The following RALGPS1 variants were observed in gnomAD, a reference collection of about 807,000 sequenced individuals.
RALGPS1 encodes the protein Ral GEF with PH domain and SH3 binding motif 1.
In RALGPS1, 19 loss-of-function variants were observed where a neutral mutation model predicts 78.8. That is an observed-to-expected ratio of 0.24 (90% CI 0.17 to 0.35). The LOEUF (loss-of-function observed/expected upper bound fraction) is 0.35. RALGPS1 is among the 10% of genes least tolerant of loss of function. The probability of loss-of-function intolerance (pLI) is 1.00; values close to 1 mark genes in which losing one functional copy is unlikely to be tolerated. For missense variants in RALGPS1, 454 were observed against 688.3 expected (o/e 0.66, Z 3.81); for synonymous variants, 228 against 256.3 (o/e 0.89, Z 1.06).
intron 1 of RALGPS1, among the ~76,000 whole-genome samples, chr9:126,953,350 TGTGTGTGCATGTACACGTGCATGC>T (rs1207348409): frequency 6.6e-6 from 1 of 151,872 alleles, no homozygotes. Context: ...AGCCAGAGTA[TGTGTGTGCATGTACACGTGCATGC>T]GTGTGTGTGT....
At chr9:126,999,533 A>T (rs1200262734) in intron 4 of RALGPS1, among the ~76,000 whole-genome samples, 1 of 152,134 alleles carries the variant, frequency 6.6e-6, no homozygotes, top group South Asian at 2.1e-4. Context: ...CACTATCTTC[A>T]TAGTTTTACC....
At chr9:127,006,940 G>C (rs778215197) in intron 4 of RALGPS1, among the ~76,000 whole-genome samples, 18 of 152,034 alleles carry the variant, frequency 1.2e-4, no homozygotes, top group Non-Finnish European at 2.4e-4. Flanking sequence ...GAGAGAGGGA[G>C]AGAGGAGAGA....
chr9:126,999,245 C>T (rs1173785867), intron 4 of RALGPS1, among the ~76,000 whole-genome samples: 1 of 151,990 alleles, frequency 6.6e-6, no homozygotes, highest in Non-Finnish European at 1.5e-5. Flanking sequence ...TATCTCCTGA[C>T]CCCGTACATG....
chr9:127,131,976 CA>C (rs1300322056), intron 8 of RALGPS1, among the ~76,000 whole-genome samples: 1 of 152,154 alleles, frequency 6.6e-6, no homozygotes, highest in Non-Finnish European at 1.5e-5. Context: ...GCATTTCTAA[CA>C]AGTTCACATG....
rs2062349929 is a variant in RALGPS1, at chr9:127,212,793, T to A, written c.1446+74T>A. On this transcript the variant is annotated intron_variant, in intron 16 of 18. Coordinates refer to ENST00000259351, the MANE Select transcript of RALGPS1 (RefSeq NM_014636.3). This position sits in a 1 kb window ranked among gnomAD's most constrained non-coding sequence, Gnocchi z 6.0. ...AGGGACCTCTGTGAACTGTGGAGGA[T>A]GGGGGTGGGAAAGGGATCTGTGTGA... The A allele has an allele frequency of 1.3e-6, 2 of 1,522,922 alleles. No homozygotes were observed. Among genetic ancestry groups the A allele is most frequent in the Admixed American group, 1.8e-5 (1 of 54,652 alleles). The allele number at this position is 1,522,922 out of a possible 1,614,324, so 94.3% of individuals were successfully genotyped here.
intron 3 of RALGPS1, among the ~76,000 whole-genome samples, chr9:126,966,800 A>G (rs3118836): frequency 0.027 from 4,180 of 152,312 alleles, 52 homozygotes; most frequent in Middle Eastern, 0.048. Flanking sequence ...AAAAAAAGAT[A>G]TATCTTCAAC....
At chr9:126,967,587 A>AG (rs2039644594) in intron 3 of RALGPS1, among the ~76,000 whole-genome samples, 1 of 152,202 alleles carries the variant, frequency 6.6e-6, no homozygotes, top group Non-Finnish European at 1.5e-5. Flanking sequence ...CTTAGGCTGA[A>AG]GTGCAGTGGC....
intron 8 of RALGPS1, chr9:127,108,513 G>A (rs2054481035): frequency 3.1e-6 from 5 of 1,612,856 alleles, no homozygotes; most frequent in African/African-American, 1.3e-5. Context: ...CAGGCTCCTT[G>A]GAGTTGACGC....
chr9:126,953,880 G>T (rs936686732), intron 1 of RALGPS1, among the ~76,000 whole-genome samples: 1 of 152,204 alleles, frequency 6.6e-6, no homozygotes, highest in Non-Finnish European at 1.5e-5. Flanking sequence ...CTTATTTGCT[G>T]CTGTGTCCCC....
At position 127,218,683 on chromosome 9, in the gene RALGPS1, C is replaced by T. The variant is rs369942026; in HGVS notation, c.1645-57C>T. 8.3e-6 allele frequency: 13 copies of T among 1,569,590 alleles called. No homozygotes were observed. The highest frequency in any genetic ancestry group is 1.4e-5 in the African/African-American group (1 of 73,892). On this transcript the variant is annotated intron_variant, in intron 18 of 18. Coordinates refer to ENST00000259351, the MANE Select transcript of RALGPS1 (RefSeq NM_014636.3). This position sits in a 1 kb window ranked among gnomAD's most constrained non-coding sequence, Gnocchi z 4.4. The stretch of plus-strand genomic sequence containing the variant: ...CTGTCCCTTCCCCTAGGGACCACCA[C>T]CCCTTGTCCTTCTCTGAGGTCGGAA...
At chr9:126,946,129 A>G (rs775085663) in intron 1 of RALGPS1, among the ~76,000 whole-genome samples, 1 of 152,130 alleles carries the variant, frequency 6.6e-6, no homozygotes, top group Non-Finnish European at 1.5e-5. Context: ...AGACCTGGCC[A>G]TATTCCACAG....
At chr9:126,947,549 G>C (rs663931) in intron 1 of RALGPS1, among the ~76,000 whole-genome samples, 89,011 of 152,040 alleles carry the variant, frequency 0.59, 30,141 homozygotes, top group East Asian at 0.81. Flanking sequence ...GCAACCTGTA[G>C]CATGATTCTC....
chr9:127,048,685 A>G (rs575300377), intron 5 of RALGPS1, among the ~76,000 whole-genome samples: 3 of 152,394 alleles, frequency 2.0e-5, no homozygotes, highest in South Asian at 4.1e-4. Flanking sequence ...CATGTAAACT[A>G]TCACACTTGA....
In RALGPS1 at chr9:127,146,535, C is replaced by G. The variant is rs116488325; in HGVS notation, c.611-19534C>G. On this transcript the variant is annotated intron_variant, in intron 8 of 18. Coordinates refer to ENST00000259351, the MANE Select transcript of RALGPS1 (RefSeq NM_014636.3). ...TAGCGCAGTGATGAACATGTGAGTG[C>G]ATGTGTCTTTTTTTTTTTTTTTTTT... is the stretch of plus-strand genomic sequence containing the variant. Among the ~76,000 whole-genome samples, 684 of 142,956 alleles carry G rather than the reference C, an allele frequency of 4.8e-3. 7 individuals carry two copies. Among genetic ancestry groups the G allele is most frequent in the African/African-American group, 0.017 (653 of 38,958 alleles). 93.8% of individuals were successfully genotyped at this position (142,956 alleles called of 152,430 possible).
chr9:126,978,951 C>G (rs1179672367), intron 4 of RALGPS1, among the ~76,000 whole-genome samples: 1 of 152,088 alleles, frequency 6.6e-6, no homozygotes, highest in East Asian at 1.9e-4. Context: ...ACTGAGGGAC[C>G]CAGCCTTGTG....
intron 4 of RALGPS1, among the ~76,000 whole-genome samples, chr9:126,988,881 G>T (rs2042033643): frequency 6.6e-6 from 1 of 152,144 alleles, no homozygotes; most frequent in Non-Finnish European, 1.5e-5. Context: ...GGCCCTAGAG[G>T]TAGGAGGAGG....
At chr9:127,123,641 C>T (rs1589624090) in intron 8 of RALGPS1, among the ~76,000 whole-genome samples, 1 of 152,172 alleles carries the variant, frequency 6.6e-6, no homozygotes, top group African/African-American at 2.4e-5. Flanking sequence ...GCATCAGAGT[C>T]CTCAGCATGG....
intron 8 of RALGPS1, among the ~76,000 whole-genome samples, chr9:127,100,961 A>G (rs770880369): frequency 1.3e-5 from 2 of 152,142 alleles, no homozygotes; most frequent in Non-Finnish European, 2.9e-5. Context: ...GATTTCTGGT[A>G]TGCATTCTTT....
intron 11 of RALGPS1, chr9:127,178,145 C>A: frequency 1.4e-6 from 1 of 728,058 alleles, no homozygotes; most frequent in Non-Finnish European, 2.1e-6. Flanking sequence ...TGTGCAGGGT[C>A]TGTGGGCAGG....
Sources: gnomAD v4.1 joint callset for allele counts (sites outside exome capture counted in the v4.1 genomes callset) on GRCh38, gnomAD v4.1.1 for gene constraint, Gnocchi (gnomAD v3.1) non-coding constraint, MANE v1.5 for transcripts, NCBI Gene and HGNC (gene_info 2026-07-23, HGNC 2026-07-21) for gene names.